EBF1: variants seen among roughly 807,000 people sequenced by gnomAD.
EBF1 encodes EBF transcription factor 1.
Under a neutral mutation model 68.4 loss-of-function variants are expected in EBF1, and 10 were observed. The observed-to-expected ratio is 0.15, with a 90% confidence interval of 0.09 to 0.25. The LOEUF (loss-of-function observed/expected upper bound fraction) is 0.25. EBF1 is among the 10% of genes least tolerant of loss of function. EBF1 has a pLI of 1.00. For missense variants in EBF1, 509 were observed against 794.4 expected, an observed-to-expected ratio of 0.64 and a Z score of 4.32; for synonymous variants, 298 against 299.8, an observed-to-expected ratio of 0.99 and a Z score of 0.06.
At chr5:158,995,501 T>A (rs908420510) in intron 6 of EBF1, among the ~76,000 whole-genome samples, 1 of 152,024 alleles carries the variant, frequency 6.6e-6, no homozygotes, top group Admixed American at 6.6e-5. Context: ...GAGTCCTGAG[T>A]CTAAAAAGCT....
chr5:158,948,719 T>G (rs1815364719), intron 6 of EBF1, among the ~76,000 whole-genome samples: 1 of 152,168 alleles, frequency 6.6e-6, no homozygotes, highest in African/African-American at 2.4e-5. Context: ...TCTCCAGCCC[T>G]GCTCAGCGAC....
At chr5:158,789,763 C>A (rs577032346) in intron 9 of EBF1, among the ~76,000 whole-genome samples, 1 of 152,226 alleles carries the variant, frequency 6.6e-6, no homozygotes, top group Admixed American at 6.5e-5. Flanking sequence ...AGAGTCAAGG[C>A]CGGGCAAAAA....
At chr5:158,709,364 T>C (rs1373579623) in intron 14 of EBF1, among the ~76,000 whole-genome samples, 1 of 151,986 alleles carries the variant, frequency 6.6e-6, no homozygotes, top group East Asian at 1.9e-4. Flanking sequence ...TGAAGCAAGC[T>C]GGGACTCAGA....
At chr5:158,952,992 CTT>C (rs200231119) in intron 6 of EBF1, among the ~76,000 whole-genome samples, 1 of 144,782 alleles carries the variant, frequency 6.9e-6, no homozygotes, top group Non-Finnish European at 1.5e-5. Flanking sequence ...TTTAAAAATC[CTT>C]TTTTTTTTTT....
chr5:159,047,212 C>T (rs1456312104), intron 6 of EBF1, among the ~76,000 whole-genome samples: 3 of 152,100 alleles, frequency 2.0e-5, no homozygotes, highest in Non-Finnish European at 4.4e-5. Flanking sequence ...TAGAATCTGA[C>T]GGATGAATTG....
chr5:158,863,871 A>G (rs1795394797), intron 6 of EBF1, among the ~76,000 whole-genome samples: 1 of 152,198 alleles, frequency 6.6e-6, no homozygotes, highest in African/African-American at 2.4e-5. Context: ...GAAAATATAC[A>G]GAAACCGGAA....
intron 6 of EBF1, among the ~76,000 whole-genome samples, chr5:159,033,352 T>C (rs1249460292): frequency 6.6e-6 from 1 of 152,270 alleles, no homozygotes; most frequent in Non-Finnish European, 1.5e-5. Flanking sequence ...TAGTTAGCTC[T>C]GAACTCAAAT....
At chr5:158,902,624 T>G (rs957230876) in intron 6 of EBF1, among the ~76,000 whole-genome samples, 2 of 141,814 alleles carry the variant, frequency 1.4e-5, no homozygotes, top group African/African-American at 5.8e-5. Flanking sequence ...TTATTATCAT[T>G]ATTATTATTA....
chr5:158,938,407 C>T (rs151039454), intron 6 of EBF1, among the ~76,000 whole-genome samples: 1 of 152,238 alleles, frequency 6.6e-6, no homozygotes, highest in African/African-American at 2.4e-5. Flanking sequence ...ATGTTCCCTT[C>T]TCCTCCGGGA....
chr5:158,707,062 T>C (rs1758014275), intron 15 of EBF1, among the ~76,000 whole-genome samples: 1 of 152,248 alleles, frequency 6.6e-6, no homozygotes, highest in Non-Finnish European at 1.5e-5. Context: ...CAGTCTGAAT[T>C]TGAAGCCAGC....
intron 4 of EBF1, among the ~76,000 whole-genome samples, chr5:159,088,844 A>G (rs6865547): frequency 0.25 from 38,262 of 151,998 alleles, 5,233 homozygotes; most frequent in Non-Finnish European, 0.31. Flanking sequence ...AAGTAAATCA[A>G]TTGATAGTGA....
chr5:159,099,201 C>G (rs959773577), intron 1 of EBF1, 144 bp downstream of exon 1: 4 of 555,888 alleles, frequency 7.2e-6, no homozygotes, highest in Non-Finnish European at 1.1e-5. Flanking sequence ...AGCGCGGAGC[C>G]CCGGCGGAGA....
At chr5:158,808,147 G>A (rs1028352930) in intron 8 of EBF1, among the ~76,000 whole-genome samples, 2 of 152,034 alleles carry the variant, frequency 1.3e-5, no homozygotes, top group Non-Finnish European at 2.9e-5. Flanking sequence ...ATAAGCACAG[G>A]AATATGTATC....
chr5:159,001,300 A>T (rs940934017), intron 6 of EBF1, among the ~76,000 whole-genome samples: 1 of 152,230 alleles, frequency 6.6e-6, no homozygotes. Flanking sequence ...TTTATAAGAC[A>T]GTAAATATGG....
intron 6 of EBF1, among the ~76,000 whole-genome samples, chr5:158,895,559 C>G (rs1487533121): frequency 1.3e-5 from 2 of 152,076 alleles, no homozygotes; most frequent in Non-Finnish European, 2.9e-5. Flanking sequence ...GAGGCTGGGC[C>G]AGAAAGAAGG....
chr5:159,021,835 T>A (rs996439746), intron 6 of EBF1, among the ~76,000 whole-genome samples: 3 of 152,102 alleles, frequency 2.0e-5, no homozygotes, highest in African/African-American at 7.2e-5. Flanking sequence ...GCAATAGCCG[T>A]AATAATTTAA....
At chr5:158,958,859 C>G (rs1583473407) in intron 6 of EBF1, among the ~76,000 whole-genome samples, 1 of 151,980 alleles carries the variant, frequency 6.6e-6, no homozygotes, top group African/African-American at 2.4e-5. Context: ...ATATTTTAAA[C>G]CATGGGTAAT....
intron 4 of EBF1, among the ~76,000 whole-genome samples, chr5:159,093,797 C>T (rs1044441316): frequency 6.6e-6 from 1 of 152,010 alleles, no homozygotes; most frequent in Non-Finnish European, 1.5e-5. Flanking sequence ...TCACTTCAAA[C>T]ATGTCTTAAT....
At chr5:158,983,450 T>C (rs1344425214) in intron 6 of EBF1, 1 of 152,212 alleles carries the variant, frequency 6.6e-6, no homozygotes, top group Non-Finnish European at 1.5e-5. Context: ...ATTGGTGGAA[T>C]GTTGTCTAGA....
Sources: allele counts gnomAD v4.1 joint callset (sites outside exome capture counted in the v4.1 genomes callset), GRCh38; gene constraint gnomAD v4.1.1; transcripts MANE v1.5; gene names NCBI Gene and HGNC (gene_info 2026-07-23, HGNC 2026-07-21).